Variants in ABCB1 observed in about 807,000 individuals in gnomAD.
ABCB1 encodes ATP-dependent translocase ABCB1.
In ABCB1, 69 loss-of-function variants were observed where a neutral mutation model predicts 142.0. The observed-to-expected ratio is 0.49, with a 90% CI of 0.40 to 0.59. The LOEUF (loss-of-function observed/expected upper bound fraction) is 0.59, where lower values mean the gene tolerates loss of function less well. Among genes scored for constraint, ABCB1 ranks in the 20% least tolerant of loss-of-function variants. ABCB1 has a pLI of 0.00. For synonymous variants in ABCB1, 532 were observed against 539.2 expected (o/e 0.99, Z 0.18); for missense variants, 1,326 against 1,554.7 (o/e 0.85, Z 2.47).
intron 19 of ABCB1, 98 bp downstream of exon 19, chr7:87,539,170 T>G (rs1816417634): frequency 7.7e-7 from 1 of 1,293,114 alleles, no homozygotes; most frequent in Non-Finnish European, 1.1e-6. Context: ...ATATAGGAGC[T>G]AGGCCTGGGA....
chr7:87,627,053 C>A lies in ABCB1; in HGVS notation c.-330-25975G>T, dbSNP rs1468094730. Among the ~76,000 whole-genome samples, 3 of 152,222 alleles carry A rather than the reference C, an allele frequency of 2.0e-5. No individual in the cohort carries two copies. The East Asian group carries it at 5.8e-4, about 29-fold the overall frequency. ...CCTCCCAAAGTGCTGGGATTACAGG[C>A]GTCAGCCACCGCGCCCAGCCCATAT... On this transcript the variant is annotated intron_variant, in intron 1 of 28. Transcript: ENST00000265724.
chr7:87,694,100 G>GT (rs36014243), intron 1 of ABCB1: 113,467 of 1,095,340 alleles, frequency 0.1, 2 homozygotes, highest in South Asian at 0.13. Context: ...GTGTGTTTTT[G>GT]TTTTTTTTTT....
intron 1 of ABCB1, among the ~76,000 whole-genome samples, chr7:87,657,165 A>G (rs2373575): frequency 0.01 from 1,578 of 152,296 alleles, 11 homozygotes; most frequent in Non-Finnish European, 0.013. Flanking sequence ...CTGGTTAAGG[A>G]CACTAGAACC....
chr7:87,699,124 G>T (rs1182311757), intron 1 of ABCB1, among the ~76,000 whole-genome samples: 1 of 152,058 alleles, frequency 6.6e-6, no homozygotes, highest in Non-Finnish European at 1.5e-5. Context: ...CTCAGACATT[G>T]GTCCTAAAAT....
chr7:87,634,101 G>T (rs1339473221), intron 1 of ABCB1, among the ~76,000 whole-genome samples: 1 of 152,112 alleles, frequency 6.6e-6, no homozygotes, highest in East Asian at 1.9e-4. Flanking sequence ...TCTAGGAACT[G>T]ATCCATTCTT....
At chr7:87,586,756 A>C (rs1818775453) in intron 3 of ABCB1, among the ~76,000 whole-genome samples, 1 of 152,214 alleles carries the variant, frequency 6.6e-6, no homozygotes, top group Non-Finnish European at 1.5e-5. Flanking sequence ...TACAGTAGCA[A>C]CTGGGGGATT....
chr7:87,561,184 T>A (rs1817548861), intron 8 of ABCB1, 79 bp downstream of exon 8: 1 of 1,542,190 alleles, frequency 6.5e-7, no homozygotes, highest in Non-Finnish European at 8.9e-7. Context: ...AAAATGCTTA[T>A]AAATAACACT....
At chr7:87,703,907 T>TTTG in intron 1 of ABCB1, among the ~76,000 whole-genome samples, 1 of 108,172 alleles carries the variant, frequency 9.2e-6, no homozygotes, top group African/African-American at 3.7e-5. Flanking sequence ...TTTTTTTTTT[T>TTTG]TTTTTGGTTT....
chr7:87,561,228 T>C, intron 8 of ABCB1, 35 bp downstream of exon 8: 1 of 1,611,352 alleles, frequency 6.2e-7, no homozygotes, highest in South Asian at 1.1e-5. Flanking sequence ...AGACAGAATT[T>C]AACATATCTA....
At chr7:87,548,853 T>C (rs551239662) in intron 14 of ABCB1, among the ~76,000 whole-genome samples, 1 of 152,324 alleles carries the variant, frequency 6.6e-6, no homozygotes, top group East Asian at 1.9e-4. Context: ...GTTTTCAGTA[T>C]CACAGGCTAT....
intron 21 of ABCB1, 191 bp from the exon 22 acceptor site, chr7:87,521,067 C>A: frequency 1.8e-6 from 1 of 571,374 alleles, no homozygotes; most frequent in African/African-American, 1.9e-5. Context: ...GGAAGATTGA[C>A]TAATTCAAAC....
intron 3 of ABCB1, among the ~76,000 whole-genome samples, 184 bp from the exon 4 acceptor site, chr7:87,585,864 G>T (rs1040527433): frequency 1.3e-4 from 20 of 152,120 alleles, no homozygotes; most frequent in Non-Finnish European, 2.2e-4. Flanking sequence ...ATGGACATTT[G>T]ATTCTTCCAT....
intron 1 of ABCB1, among the ~76,000 whole-genome samples, chr7:87,687,012 A>G (rs1827533222): frequency 1.3e-5 from 2 of 152,124 alleles, no homozygotes; most frequent in Admixed American, 6.5e-5. Context: ...TAGACTGTCA[A>G]TTAGAAATGT....
intron 20 of ABCB1, among the ~76,000 whole-genome samples, chr7:87,533,912 G>T (rs1816170213): frequency 6.6e-6 from 1 of 152,086 alleles, no homozygotes; most frequent in South Asian, 2.1e-4. Context: ...AAACAGTTTT[G>T]CTTGAGTGGC....
At chr7:87,633,684 A>G (rs527936137) in intron 1 of ABCB1, among the ~76,000 whole-genome samples, 3 of 152,174 alleles carry the variant, frequency 2.0e-5, no homozygotes, top group East Asian at 3.9e-4. Flanking sequence ...TTTTTTTTAA[A>G]AAGCACCCAG....
chr7:87,639,459 G>A (rs956461296), intron 1 of ABCB1, among the ~76,000 whole-genome samples: 2 of 151,932 alleles, frequency 1.3e-5, no homozygotes, highest in African/African-American at 2.4e-5. Context: ...CTTGTTTTTT[G>A]TATACTCTTT....
intron 1 of ABCB1, chr7:87,700,508 T>A (rs1422917568): frequency 6.2e-7 from 1 of 1,613,392 alleles, no homozygotes; most frequent in Non-Finnish European, 8.5e-7. Context: ...CAGAATTGTA[T>A]CTGCAGCATT....
At chr7:87,620,342 T>C (rs1326220513) in intron 1 of ABCB1, among the ~76,000 whole-genome samples, 1 of 152,116 alleles carries the variant, frequency 6.6e-6, no homozygotes, top group Non-Finnish European at 1.5e-5. Context: ...GTATTTTTAG[T>C]AGAGACAGTG....
chr7:87,591,836 T>C (rs1819011763), intron 3 of ABCB1, among the ~76,000 whole-genome samples: 1 of 152,166 alleles, frequency 6.6e-6, no homozygotes, highest in African/African-American at 2.4e-5. Flanking sequence ...TGTGGAACTA[T>C]AGGAATGTCC....
Sources: gnomAD v4.1 joint callset for allele counts (sites outside exome capture counted in the v4.1 genomes callset) on GRCh38, gnomAD v4.1.1 for gene constraint, MANE v1.5 for transcripts, NCBI Gene and HGNC (gene_info 2026-07-23, HGNC 2026-07-21) for gene names.